The following PLCH1 variants were observed in gnomAD, a reference collection of about 807,000 sequenced individuals.
The protein encoded by PLCH1 is phospholipase C eta 1, also known as 1-phosphatidylinositol 4,5-bisphosphate phosphodiesterase eta-1.
PLCH1 carries 60 observed loss-of-function variants against 126.7 expected under a neutral mutation model. That is an observed-to-expected ratio of 0.47 (90% CI 0.38 to 0.59). PLCH1 has a LOEUF of 0.59. PLCH1 is among the 20% of genes least tolerant of loss of function. The pLI is 0.00. For synonymous variants in PLCH1, 719 were observed against 734.9 expected, an observed-to-expected ratio of 0.98 and a Z score of 0.35; for missense variants, 1,723 against 2,040.0, an observed-to-expected ratio of 0.84 and a Z score of 2.99.
At chr3:155,577,049 G>T (rs1455085760) in intron 6 of PLCH1, among the ~76,000 whole-genome samples, 1 of 152,166 alleles carries the variant, frequency 6.6e-6, no homozygotes, top group Admixed American at 6.5e-5. Context: ...CGATGGGAAA[G>T]AAATTGTCTC....
chr3:155,484,264 T>G (rs745507640), intron 22 of PLCH1, among the ~76,000 whole-genome samples: 61 of 152,334 alleles, frequency 4.0e-4, no homozygotes, highest in Non-Finnish European at 7.5e-4. Context: ...CATTAACAGA[T>G]AGAACCAATT....
chr3:155,451,419 CATT>C (rs1344465888), intron 21 of PLCH1, among the ~76,000 whole-genome samples: 1 of 152,142 alleles, frequency 6.6e-6, no homozygotes, highest in Non-Finnish European at 1.5e-5. Flanking sequence ...GACAAAATGT[CATT>C]ATGTGCCTCC....
chr3:155,547,782 T>C (rs1725562736), intron 10 of PLCH1, among the ~76,000 whole-genome samples: 1 of 149,828 alleles, frequency 6.7e-6, no homozygotes, highest in Admixed American at 6.7e-5. Flanking sequence ...CAGTAAACTA[T>C]CGCAAGAACA....
At chr3:155,468,553 T>C (rs1241804463) in intron 21 of PLCH1, among the ~76,000 whole-genome samples, 1 of 152,168 alleles carries the variant, frequency 6.6e-6, no homozygotes, top group East Asian at 1.9e-4. Context: ...GAAAAAGGCA[T>C]TCCATGCTAA....
intron 2 of PLCH1, among the ~76,000 whole-genome samples, chr3:155,694,037 T>C (rs1215313272): frequency 6.6e-6 from 1 of 152,206 alleles, no homozygotes; most frequent in African/African-American, 2.4e-5. Context: ...AAATACTGTA[T>C]TTCTATCCAT....
chr3:155,586,544 TA>T (rs1731402178), intron 4 of PLCH1, among the ~76,000 whole-genome samples: 1 of 151,970 alleles, frequency 6.6e-6, no homozygotes, highest in Non-Finnish European at 1.5e-5. Flanking sequence ...CTGTCTCTAC[TA>T]AAAATACAAA....
At chr3:155,501,150 G>T (rs970833989) in intron 13 of PLCH1, among the ~76,000 whole-genome samples, 1 of 152,122 alleles carries the variant, frequency 6.6e-6, no homozygotes, top group Non-Finnish European at 1.5e-5. Flanking sequence ...ATGCCCTTTT[G>T]TATAGGAAGC....
intron 1 of PLCH1, among the ~76,000 whole-genome samples, chr3:155,722,567 T>C (rs1255486564): frequency 1.3e-5 from 2 of 152,226 alleles, no homozygotes; most frequent in Non-Finnish European, 2.9e-5. Flanking sequence ...TTTCTGAGTC[T>C]ATTGAGATAA....
At chr3:155,460,819 TAG>T (rs1304381107) in intron 21 of PLCH1, among the ~76,000 whole-genome samples, 6 of 151,076 alleles carry the variant, frequency 4.0e-5, no homozygotes, top group African/African-American at 1.5e-4. Flanking sequence ...GATAGATAGA[TAG>T]ATAGATAGAT....
intron 2 of PLCH1, chr3:155,676,133 G>A: frequency 1.4e-6 from 2 of 1,380,990 alleles, no homozygotes; most frequent in Admixed American, 6.3e-5. Context: ...AAAAAGGGTG[G>A]GGGGAAAAAA....
chr3:155,514,443 C>T (rs1720029854), intron 12 of PLCH1, among the ~76,000 whole-genome samples: 1 of 152,136 alleles, frequency 6.6e-6, no homozygotes, highest in Non-Finnish European at 1.5e-5. Context: ...TGGGCTGAAA[C>T]TTCTTCCCTC....
chr3:155,677,789 GAATTA>G (rs1182638219), intron 2 of PLCH1, among the ~76,000 whole-genome samples: 3 of 152,018 alleles, frequency 2.0e-5, no homozygotes, highest in African/African-American at 7.3e-5. Flanking sequence ...TGCTTAATCT[GAATTA>G]ATTAGTGGTC....
intron 10 of PLCH1, among the ~76,000 whole-genome samples, chr3:155,526,923 A>T (rs1337539427): frequency 3.3e-5 from 5 of 152,266 alleles, no homozygotes; most frequent in Non-Finnish European, 7.3e-5. Context: ...AACTAAGCAC[A>T]GAGATAGTGG....
chr3:155,538,251 G>A (rs1723716899), intron 10 of PLCH1, among the ~76,000 whole-genome samples: 1 of 152,116 alleles, frequency 6.6e-6, no homozygotes, highest in Non-Finnish European at 1.5e-5. Context: ...GCAAAGTGAT[G>A]CTAAGAGGAA....
At chr3:155,655,693 A>G (rs1741278437) in intron 2 of PLCH1, among the ~76,000 whole-genome samples, 1 of 152,116 alleles carries the variant, frequency 6.6e-6, no homozygotes, top group Admixed American at 6.5e-5. Flanking sequence ...AGCATAGCCA[A>G]CCCTAGAATC....
intron 9 of PLCH1, among the ~76,000 whole-genome samples, chr3:155,552,967 G>A (rs777108091): frequency 1.2e-4 from 19 of 152,136 alleles, no homozygotes; most frequent in African/African-American, 2.7e-4. Context: ...GAAATGGAGC[G>A]AGAATCAAGA....
intron 1 of PLCH1, among the ~76,000 whole-genome samples, chr3:155,721,308 T>C (rs1747928235): frequency 6.6e-6 from 1 of 152,234 alleles, no homozygotes; most frequent in East Asian, 1.9e-4. Flanking sequence ...TTTGGCAGTA[T>C]GGTCATTTTC....
rs369072754 is a variant in PLCH1 at position 155,661,785 on chromosome 3, G to A, written c.79+42361C>T. 4.6e-5 allele frequency among the ~76,000 whole-genome samples: 7 copies of A among 152,282 alleles called. 1 individual carries two copies. The highest frequency in any genetic ancestry group is 2.1e-4 in the South Asian group (1 of 4,822). On this transcript the variant is annotated intron_variant, in intron 2 of 22. Coordinates refer to ENST00000460012, the MANE Select transcript of PLCH1 (RefSeq NM_014996.4). ...TGTGAGCAAAAATGAATACAGTTAG[G>A]GTTGTGGTCTGCTCTCTGTTCATTT...
intron 21 of PLCH1, among the ~76,000 whole-genome samples, chr3:155,455,797 T>C (rs1332555309): frequency 2.0e-5 from 3 of 152,372 alleles, no homozygotes; most frequent in East Asian, 3.9e-4. Context: ...TTTAAACCCA[T>C]AGGCTATCTT....
Sources: gnomAD v4.1 joint callset for allele counts (sites outside exome capture counted in the v4.1 genomes callset) on GRCh38, gnomAD v4.1.1 for gene constraint, MANE v1.5 for transcripts, NCBI Gene and HGNC (gene_info 2026-07-23, HGNC 2026-07-21) for gene names.